The following MAGI2 variants were observed in gnomAD, a reference collection of about 807,000 sequenced individuals.
MAGI2 encodes the protein membrane associated guanylate kinase, WW and PDZ domain containing 2, also known as membrane-associated guanylate kinase, WW and PDZ domain-containing protein 2.
In MAGI2, 35 loss-of-function variants were observed where a neutral mutation model predicts 133.3. The observed-to-expected ratio is 0.26, with a 90% CI of 0.20 to 0.35. MAGI2 has a LOEUF of 0.35. Among genes scored for constraint, MAGI2 ranks in the 10% least tolerant of loss-of-function variants. MAGI2 has a pLI of 1.00. For synonymous variants in MAGI2, 729 were observed against 710.6 expected, an observed-to-expected ratio of 1.03 and a Z score of -0.41; for missense variants, 1,636 against 1,863.4, an observed-to-expected ratio of 0.88 and a Z score of 2.25.
intron 10 of MAGI2, among the ~76,000 whole-genome samples, chr7:78,208,670 T>G (rs1033841035): frequency 1.4e-5 from 2 of 142,320 alleles, no homozygotes; most frequent in Admixed American, 1.5e-4. Flanking sequence ...TGACATTTTT[T>G]AAAAAATGGT....
intron 2 of MAGI2, among the ~76,000 whole-genome samples, chr7:78,936,313 T>C (rs1800512779): frequency 6.6e-6 from 1 of 152,002 alleles, no homozygotes; most frequent in Non-Finnish European, 1.5e-5. Flanking sequence ...TATTAACTCA[T>C]TTAATTATCA....
rs1182186678 is a variant in MAGI2 at position 79,317,001 on chromosome 7, GT to G, written c.301+136018del. Among the ~76,000 whole-genome samples the G allele has an allele frequency of 9.2e-3, 1,236 of 134,230 alleles. 17 individuals are homozygous for G. Among genetic ancestry groups the G allele is most frequent in the African/African-American group, 0.029 (1,084 of 36,748 alleles). 88.1% of individuals were successfully genotyped at this position (134,230 alleles called of 152,430 possible). A position where few individuals can be genotyped will look rare whatever the true frequency, so the allele number is the denominator to read the frequency against. On this transcript the variant is annotated intron_variant, in intron 1 of 21. Transcript: ENST00000354212. ...GTTAATGTAGAAAAAAAAATGTAGGGTTTTTTTTTTTCTTTTTCTTTTTTTT... is the reference window on the plus strand; with the variant it reads ...GTTAATGTAGAAAAAAAAATGTAGGGTTTTTTTTTTCTTTTTCTTTTTTTT...
chr7:78,548,519 A>G (rs952886341), intron 3 of MAGI2, among the ~76,000 whole-genome samples: 5 of 151,968 alleles, frequency 3.3e-5, no homozygotes, highest in Non-Finnish European at 7.4e-5. Context: ...ACATGGTGAA[A>G]CCCCGTCTCT....
At chr7:79,316,481 A>G (rs914154047) in intron 1 of MAGI2, among the ~76,000 whole-genome samples, 1 of 152,222 alleles carries the variant, frequency 6.6e-6, no homozygotes, top group Non-Finnish European at 1.5e-5. Context: ...ATATGTATAC[A>G]TATGTATATA....
intron 2 of MAGI2, among the ~76,000 whole-genome samples, chr7:78,841,533 C>CACATCCTT (rs1337205942): frequency 6.6e-6 from 1 of 152,010 alleles, no homozygotes; most frequent in East Asian, 1.9e-4. Context: ...ACACATGCCT[C>CACATCCTT]ACACATCCCC....
intron 16 of MAGI2, among the ~76,000 whole-genome samples, chr7:78,159,077 A>G (rs1824693644): frequency 6.6e-6 from 1 of 151,952 alleles, no homozygotes; most frequent in Non-Finnish European, 1.5e-5. Context: ...GCCCCTACCC[A>G]CCAAATTATC....
intron 9 of MAGI2, among the ~76,000 whole-genome samples, chr7:78,317,518 G>A (rs1225897942): frequency 1.3e-5 from 2 of 152,206 alleles, no homozygotes; most frequent in Non-Finnish European, 2.9e-5. Flanking sequence ...ACGTAAGAAG[G>A]TAAAATTAGA....
At chr7:78,493,125 T>A (rs2150500495) in intron 5 of MAGI2, among the ~76,000 whole-genome samples, 1 of 152,302 alleles carries the variant, frequency 6.6e-6, no homozygotes, top group Non-Finnish European at 1.5e-5. Flanking sequence ...TCTAGAGGAC[T>A]AAAGTAAGCC....
intron 6 of MAGI2, among the ~76,000 whole-genome samples, chr7:78,469,500 C>T (rs180915355): frequency 6.6e-6 from 1 of 152,224 alleles, no homozygotes; most frequent in Non-Finnish European, 1.5e-5. Flanking sequence ...GAAAAGCTAT[C>T]CTTAGTCCAT....
chr7:79,323,747 G>C (rs1585569042), intron 1 of MAGI2, among the ~76,000 whole-genome samples: 2 of 152,184 alleles, frequency 1.3e-5, no homozygotes, highest in Non-Finnish European at 2.9e-5. Context: ...AAACTCAAAA[G>C]CCAATTGGTA....
At chr7:78,536,339 C>T (rs1004079410) in intron 3 of MAGI2, among the ~76,000 whole-genome samples, 2 of 151,420 alleles carry the variant, frequency 1.3e-5, no homozygotes, top group African/African-American at 4.9e-5. Flanking sequence ...GTCTCGATCT[C>T]CTGACCTCGT....
At chr7:78,118,097 A>G (rs1820058390) in intron 20 of MAGI2, among the ~76,000 whole-genome samples, 1 of 152,228 alleles carries the variant, frequency 6.6e-6, no homozygotes, top group Admixed American at 6.5e-5. Context: ...AATGCAATGA[A>G]GAAAAAATAG....
chr7:79,452,753 G>A (rs1435476227), intron 1 of MAGI2: 1 of 423,334 alleles, frequency 2.4e-6, no homozygotes, highest in East Asian at 3.7e-5. Context: ...CAGCTCTGAG[G>A]AGGTCAGACC....
At chr7:78,057,640 T>C (rs557488960) in intron 21 of MAGI2, among the ~76,000 whole-genome samples, 23 of 152,150 alleles carry the variant, frequency 1.5e-4, no homozygotes, top group Non-Finnish European at 2.2e-4. Flanking sequence ...ATTTGTGTAT[T>C]TATGTCTTTC....
chr7:78,949,396 C>T (rs1393667301), intron 2 of MAGI2, among the ~76,000 whole-genome samples: 1 of 152,060 alleles, frequency 6.6e-6, no homozygotes, highest in Non-Finnish European at 1.5e-5. Flanking sequence ...AAGTCTTGGC[C>T]TGCTCTGCTT....
At chr7:78,052,274 T>A (rs1051416482) in intron 21 of MAGI2, among the ~76,000 whole-genome samples, 1 of 152,182 alleles carries the variant, frequency 6.6e-6, no homozygotes, top group Admixed American at 6.5e-5. Flanking sequence ...CTGAATGGCC[T>A]GCTGCCGTCC....
chr7:78,195,882 A>G (rs1828682040), intron 11 of MAGI2, among the ~76,000 whole-genome samples: 3 of 152,186 alleles, frequency 2.0e-5, no homozygotes, highest in Admixed American at 1.3e-4. Flanking sequence ...TCATCAACTG[A>G]TGCCTCATTC....
chr7:78,454,104 C>T (rs1382621210), intron 6 of MAGI2, among the ~76,000 whole-genome samples: 2 of 152,098 alleles, frequency 1.3e-5, no homozygotes, highest in Non-Finnish European at 2.9e-5. Context: ...ACCATGTGCC[C>T]GAAACTGACC....
intron 6 of MAGI2, 82 bp from the exon 7 acceptor site, chr7:78,369,295 T>A: frequency 1.0e-6 from 1 of 1,003,494 alleles, no homozygotes; most frequent in Non-Finnish European, 1.5e-6. Context: ...TGTTCATGGA[T>A]TGCAGAAATG....
Sources: allele counts gnomAD v4.1 joint callset (sites outside exome capture counted in the v4.1 genomes callset), GRCh38; gene constraint gnomAD v4.1.1; transcripts MANE v1.5; gene names NCBI Gene and HGNC (gene_info 2026-07-23, HGNC 2026-07-21).